The following NLGN4X variants were observed in gnomAD, a reference collection of about 807,000 sequenced individuals.
The protein encoded by NLGN4X is neuroligin 4 X-linked, also known as neuroligin-4, X-linked.
Under a neutral mutation model 40.3 loss-of-function variants are expected in NLGN4X, and 3 were observed. The observed-to-expected ratio is 0.07, with a 90% CI of 0.03 to 0.19. NLGN4X has a LOEUF of 0.19. Ranked by LOEUF, NLGN4X falls within the 10% of genes least tolerant of loss-of-function variation. The pLI is 1.00. For missense variants in NLGN4X, 382 were observed against 708.3 expected, an observed-to-expected ratio of 0.54 and a Z score of 5.23; for synonymous variants, 270 against 306.8, an observed-to-expected ratio of 0.88 and a Z score of 1.25.
At chrX:5,969,554 G>C (rs1172344033) in intron 3 of NLGN4X, among the ~76,000 whole-genome samples, 1 of 111,334 alleles carries the variant, frequency 9.0e-6, no homozygotes, top group Non-Finnish European at 1.9e-5. Context: ...GGAGAAATAG[G>C]AATGCTTTTA....
intron 2 of NLGN4X, among the ~76,000 whole-genome samples, chrX:6,055,668 CAT>C (rs1227299864): frequency 6.3e-5 from 7 of 111,458 alleles, no homozygotes; most frequent in Non-Finnish European, 1.1e-4. Flanking sequence ...AAATAAATAA[CAT>C]TCTGCAAATT....
intron 2 of NLGN4X, among the ~76,000 whole-genome samples, chrX:6,050,776 C>CATCTATCTATCTATCT (rs60281598): frequency 0.02 from 2,098 of 103,373 alleles, 21 homozygotes; most frequent in African/African-American, 0.028. Context: ...TCTGTCTGTC[C>CATCTATCTATCTATCT]ATCTATCTAT....
chrX:5,920,734 G>A (rs1033642912), intron 3 of NLGN4X, among the ~76,000 whole-genome samples: 1 of 110,954 alleles, frequency 9.0e-6, no homozygotes, highest in Non-Finnish European at 1.9e-5. Flanking sequence ...CTTGGGATGG[G>A]GACGTATCTT....
intron 2 of NLGN4X, among the ~76,000 whole-genome samples, chrX:6,047,731 T>C (rs757596083): frequency 1.8e-5 from 2 of 111,565 alleles, no homozygotes; most frequent in Non-Finnish European, 3.8e-5. Context: ...GTCTCTACAA[T>C]AGAGGACACC....
intron 1 of NLGN4X, among the ~76,000 whole-genome samples, chrX:6,200,257 G>A (rs1416835255): frequency 4.5e-5 from 5 of 112,033 alleles, no homozygotes; most frequent in Non-Finnish European, 9.4e-5. Flanking sequence ...TTGAGATCAG[G>A]TGAGCTCAGA....
intron 3 of NLGN4X, among the ~76,000 whole-genome samples, chrX:5,945,511 G>A (rs1320427273): frequency 8.9e-6 from 1 of 111,997 alleles, no homozygotes. Flanking sequence ...ACTTGGCGCA[G>A]TGAAAAGGTA....
intron 2 of NLGN4X, among the ~76,000 whole-genome samples, chrX:6,085,159 T>G (rs1044714216): frequency 6.4e-5 from 7 of 109,359 alleles, no homozygotes; most frequent in African/African-American, 2.0e-4. Flanking sequence ...GATCCAGCGA[T>G]CTATGTCAGA....
intron 1 of NLGN4X, among the ~76,000 whole-genome samples, chrX:6,208,223 T>A (rs1013537064): frequency 2.0e-4 from 23 of 112,378 alleles, no homozygotes; most frequent in African/African-American, 7.1e-4. Context: ...TCTCTTCCCA[T>A]CTACTGAGCT....
Position 6,082,959 on chromosome X carries a change from T to G in NLGN4X, c.473-53527A>C, listed in dbSNP as rs960851767. On this transcript the variant is annotated intron_variant, in intron 2 of 5. Coordinates refer to ENST00000381095, the MANE Select transcript of NLGN4X (RefSeq NM_181332.3). The stretch of plus-strand genomic sequence containing the variant: ...TTTTGCCATGATGCGTTTTTTTCTT[T>G]TTTTTTTTTTTTTTTTTTGAGACGG... Among the ~76,000 whole-genome samples, 202 of 85,064 alleles carry G rather than the reference T, an allele frequency of 2.4e-3. 4 individuals carry two copies. The highest frequency in any genetic ancestry group is 8.2e-3 in the African/African-American group (187 of 22,805). 73.9% of individuals were successfully genotyped at this position (85,064 alleles called of 115,157 possible).
intron 1 of NLGN4X, among the ~76,000 whole-genome samples, chrX:6,218,301 T>C (rs907950778): frequency 1.8e-5 from 2 of 112,036 alleles, no homozygotes; most frequent in East Asian, 5.6e-4. Flanking sequence ...GTTGAAGAAG[T>C]TAAAATCGAA....
intron 3 of NLGN4X, among the ~76,000 whole-genome samples, chrX:5,963,723 C>A (rs1315848193): frequency 8.9e-6 from 1 of 112,085 alleles, no homozygotes; most frequent in Non-Finnish European, 1.9e-5. Flanking sequence ...ATCAATTCTG[C>A]TCACTAAACA....
intron 1 of NLGN4X, among the ~76,000 whole-genome samples, chrX:6,171,177 G>A (rs1172009413): frequency 8.9e-6 from 1 of 111,929 alleles, no homozygotes; most frequent in Non-Finnish European, 1.9e-5. Context: ...CCTGAATGAA[G>A]CATTCTACTC....
At chrX:5,956,175 T>C (rs2034489385) in intron 3 of NLGN4X, among the ~76,000 whole-genome samples, 1 of 108,034 alleles carries the variant, frequency 9.3e-6, no homozygotes, top group African/African-American at 3.3e-5. Flanking sequence ...ATATATATAT[T>C]TAATCTATAT....
intron 1 of NLGN4X, among the ~76,000 whole-genome samples, chrX:6,175,527 T>C (rs1210539207): frequency 9.2e-6 from 1 of 109,066 alleles, no homozygotes; most frequent in Non-Finnish European, 1.9e-5. Flanking sequence ...AAGTAAGAAA[T>C]AGAACTAGAA....
intron 3 of NLGN4X, among the ~76,000 whole-genome samples, chrX:5,961,080 T>G (rs1027141400): frequency 3.6e-5 from 4 of 111,201 alleles, no homozygotes; most frequent in African/African-American, 1.3e-4. Flanking sequence ...CAGGCTGGAG[T>G]GCAGTGGCGC....
chrX:6,097,482 G>A (rs2038808119), intron 2 of NLGN4X, among the ~76,000 whole-genome samples: 1 of 111,263 alleles, frequency 9.0e-6, no homozygotes, highest in Non-Finnish European at 1.9e-5. Context: ...GCAGGACTCT[G>A]AATACCCCCT....
chrX:5,938,518 T>C (rs73627035), intron 3 of NLGN4X, among the ~76,000 whole-genome samples: 1,530 of 111,285 alleles, frequency 0.014, 20 homozygotes, highest in African/African-American at 0.047. Context: ...AGAATTGAGT[T>C]CTTTTTCAAA....
intron 2 of NLGN4X, among the ~76,000 whole-genome samples, chrX:6,088,653 G>C (rs2038559777): frequency 8.9e-6 from 1 of 111,923 alleles, no homozygotes. Flanking sequence ...ATTAAAACTA[G>C]AAAGAGAAAA....
chrX:6,221,816 G>A (rs1017245460), intron 1 of NLGN4X, among the ~76,000 whole-genome samples: 1 of 110,366 alleles, frequency 9.1e-6, no homozygotes, highest in Non-Finnish European at 1.9e-5. Flanking sequence ...GGAGTCACAC[G>A]GCATGCCTCA....
Sources: gnomAD v4.1 joint callset for allele counts (sites outside exome capture counted in the v4.1 genomes callset) on GRCh38, gnomAD v4.1.1 for gene constraint, MANE v1.5 for transcripts, NCBI Gene and HGNC (gene_info 2026-07-23, HGNC 2026-07-21) for gene names.